The following RALGPS1 variants were observed in gnomAD, a reference collection of about 807,000 sequenced individuals.
RALGPS1 encodes the protein Ral GEF with PH domain and SH3 binding motif 1.
A neutral mutation model predicts 78.8 loss-of-function variants in RALGPS1; 19 were observed. The observed-to-expected ratio is 0.24, with a 90% CI of 0.17 to 0.35. The LOEUF (loss-of-function observed/expected upper bound fraction) is 0.35. RALGPS1 is among the 10% of genes least tolerant of loss of function. The pLI, the probability that RALGPS1 is intolerant of heterozygous loss-of-function variation, is 1.00. For synonymous variants in RALGPS1, 228 were observed against 256.3 expected (o/e 0.89, Z 1.06); for missense variants, 454 against 688.3 (o/e 0.66, Z 3.81).
intron 8 of RALGPS1, chr9:127,092,058 C>G: frequency 1.5e-6 from 2 of 1,304,394 alleles, no homozygotes; most frequent in Non-Finnish European, 2.1e-6. Flanking sequence ...GAGCATGAAG[C>G]AGACCTGGTT....
intron 11 of RALGPS1, among the ~76,000 whole-genome samples, chr9:127,187,779 A>G (rs1321401585): frequency 6.6e-6 from 1 of 152,194 alleles, no homozygotes; most frequent in Non-Finnish European, 1.5e-5. Flanking sequence ...CAAAACCAAA[A>G]CAAAGCAGGA....
At chr9:126,948,270 C>T (rs144005455) in intron 1 of RALGPS1, among the ~76,000 whole-genome samples, 6 of 152,196 alleles carry the variant, frequency 3.9e-5, no homozygotes, top group Non-Finnish European at 8.8e-5. Flanking sequence ...AATCCCAACA[C>T]TTTGGGAGGC....
rs536146934 is a variant in RALGPS1, at chr9:127,027,270, T to G, written c.217-7161T>G. ...TGCTTTGTCAGAGGGGTCTTGGGAG[T>G]GATGTTAGGCAAATGCATATGTCAG... On this transcript the variant is annotated intron_variant, in intron 4 of 18. Coordinates refer to ENST00000259351, the MANE Select transcript of RALGPS1 (RefSeq NM_014636.3). Among the ~76,000 whole-genome samples the G allele has an allele frequency of 8.5e-5, 13 of 152,226 alleles. No individual in the cohort carries two copies. The East Asian group carries it at 2.5e-3, about 29-fold the overall frequency.
At chr9:127,059,548 G>T (rs180920722) in intron 7 of RALGPS1, among the ~76,000 whole-genome samples, 2 of 152,180 alleles carry the variant, frequency 1.3e-5, no homozygotes. Context: ...TGTTGCTATG[G>T]ATGTGGATGT....
intron 1 of RALGPS1, among the ~76,000 whole-genome samples, chr9:126,952,667 G>GTGTA (rs1178628762): frequency 9.3e-6 from 1 of 107,688 alleles, no homozygotes; most frequent in Non-Finnish European, 2.3e-5. Flanking sequence ...GTGTGTGTGT[G>GTGTA]TGTGTGTGTG....
chr9:127,107,947 G>C, intron 8 of RALGPS1: 1 of 1,545,152 alleles, frequency 6.5e-7, no homozygotes, highest in Non-Finnish European at 8.8e-7. Flanking sequence ...TGGGAGGCTG[G>C]TGAGAGTGGG....
At chr9:126,957,368 T>A (rs982286205) in intron 1 of RALGPS1, among the ~76,000 whole-genome samples, 1 of 151,896 alleles carries the variant, frequency 6.6e-6, no homozygotes. Context: ...CAGTTTGAGC[T>A]CCATGTCTGG....
intron 8 of RALGPS1, 85 bp from the exon 9 acceptor site, chr9:127,165,984 T>G: frequency 2.1e-6 from 3 of 1,461,650 alleles, no homozygotes; most frequent in Non-Finnish European, 2.7e-6. Context: ...CTTTATATTT[T>G]TTAGCAGATC....
chr9:127,191,346 C>T (rs1252289900), intron 11 of RALGPS1, among the ~76,000 whole-genome samples: 1 of 152,068 alleles, frequency 6.6e-6, no homozygotes, highest in East Asian at 1.9e-4. Flanking sequence ...AGTAGTTTTG[C>T]TTTTCACATT....
intron 3 of RALGPS1, among the ~76,000 whole-genome samples, chr9:126,973,412 T>C (rs931341851): frequency 1.3e-5 from 2 of 152,130 alleles, no homozygotes; most frequent in African/African-American, 2.4e-5. Context: ...ATAGCACTTA[T>C]CAAATTTTTA....
At chr9:127,037,881 G>C (rs752680373) in intron 5 of RALGPS1, among the ~76,000 whole-genome samples, 16 of 152,224 alleles carry the variant, frequency 1.1e-4, no homozygotes, top group Middle Eastern at 3.2e-3. Flanking sequence ...CCAGGTCTTG[G>C]AAACAGGCCT....
intron 4 of RALGPS1, among the ~76,000 whole-genome samples, chr9:127,013,117 G>C (rs942505816): frequency 6.6e-6 from 1 of 152,174 alleles, no homozygotes; most frequent in African/African-American, 2.4e-5. Flanking sequence ...TGGCATTTCA[G>C]GTACCAGGAA....
At chr9:127,168,539 A>G (rs567925906) in intron 9 of RALGPS1, 140 bp from the exon 10 acceptor site, 2 of 675,752 alleles carry the variant, frequency 3.0e-6, no homozygotes, top group Non-Finnish European at 5.3e-6. Flanking sequence ...GCCAGTCCCC[A>G]AAGAGCATCA....
chr9:126,928,625 G>C (rs1255102295), intron 1 of RALGPS1, among the ~76,000 whole-genome samples: 2 of 151,730 alleles, frequency 1.3e-5, no homozygotes, highest in African/African-American at 4.8e-5. Flanking sequence ...TTTGGAGATG[G>C]AGTCTCGCTC....
At chr9:126,919,924 C>G (rs559602454) in intron 1 of RALGPS1, among the ~76,000 whole-genome samples, 8 of 152,220 alleles carry the variant, frequency 5.3e-5, no homozygotes, top group African/African-American at 1.9e-4. Context: ...TGACTTCTCC[C>G]TGGGGTGGTT....
intron 8 of RALGPS1, among the ~76,000 whole-genome samples, chr9:127,114,646 G>A (rs2137384213): frequency 6.6e-6 from 1 of 152,328 alleles, no homozygotes; most frequent in South Asian, 2.1e-4. Context: ...CCGTCCTCTG[G>A]TCAGCACTGC....
At chr9:127,174,927 C>G in intron 11 of RALGPS1, 145 bp downstream of exon 11, 1 of 680,644 alleles carries the variant, frequency 1.5e-6, no homozygotes, top group Non-Finnish European at 2.6e-6. Context: ...CCTCCTGCAC[C>G]AGCCTGCCCA....
chr9:127,017,678 T>A (rs1348773559), intron 4 of RALGPS1, among the ~76,000 whole-genome samples: 1 of 152,230 alleles, frequency 6.6e-6, no homozygotes. Flanking sequence ...AAAACACACA[T>A]TGTTCAGCTG....
chr9:127,080,798 A>C (rs1279227826), intron 8 of RALGPS1, among the ~76,000 whole-genome samples: 1 of 152,238 alleles, frequency 6.6e-6, no homozygotes, highest in African/African-American at 2.4e-5. Flanking sequence ...ACATTTTGAG[A>C]GTCAACATGA....
Sources: allele counts gnomAD v4.1 joint callset (sites outside exome capture counted in the v4.1 genomes callset), GRCh38; gene constraint gnomAD v4.1.1; transcripts MANE v1.5; gene names NCBI Gene and HGNC (gene_info 2026-07-23, HGNC 2026-07-21).